Variants in FGFR3 observed in about 807,000 individuals in gnomAD.
FGFR3 encodes the protein fibroblast growth factor receptor 3, also known as FGFR-3.
FGFR3 carries 25 observed loss-of-function variants against 82.9 expected under a neutral mutation model. The observed-to-expected ratio is 0.30, with a 90% CI of 0.22 to 0.42. The LOEUF (loss-of-function observed/expected upper bound fraction) is 0.42, where lower values mean the gene tolerates loss of function less well. FGFR3 is among the 10% of genes least tolerant of loss of function. FGFR3 has a pLI of 1.00. For missense variants in FGFR3, 1,026 were observed against 1,161.0 expected (o/e 0.88, Z 1.69); for synonymous variants, 620 against 516.0 (o/e 1.20, Z -2.73).
chr4:1,794,317 C>T (rs1189680565), intron 2 of FGFR3, among the ~76,000 whole-genome samples: 1 of 152,230 alleles, frequency 6.6e-6, no homozygotes, highest in Non-Finnish European at 1.5e-5. Flanking sequence ...CTGCGACTCC[C>T]TAGCCCTGGC....
chr4:1,795,189 G>C (rs1174060425), intron 2 of FGFR3, among the ~76,000 whole-genome samples: 1 of 152,110 alleles, frequency 6.6e-6, no homozygotes, highest in East Asian at 1.9e-4. Context: ...GGGCCGTCGG[G>C]AGGTCAGCGC....
Position 1,806,640 on chromosome 4 carries a change from G to A in FGFR3, c.2125G>A (p.Glu709Lys), listed in dbSNP as rs755495007. Residue 709 changes from glutamate (E) to lysine (K), a missense_variant, in exon 16 of 18, where the codon GAG becomes AAG. Glu to Lys is a moderately conservative substitution (Grantham distance 56). Transcript: ENST00000440486. ...PVEELFKLLK[E>K]GHRMDKPANC... ...GGAGGAGCTCTTCAAGCTGCTGAAG[G>A]AGGGCCACCGCATGGACAAGCCCGC... 1 of 1,613,064 alleles carries A rather than the reference G, an allele frequency of 6.2e-7. No individual in the cohort carries two copies. The highest frequency in any genetic ancestry group is 1.7e-5 in the Admixed American group (1 of 60,008).
intron 6 of FGFR3, 24 bp from the exon 7 acceptor site, chr4:1,801,811 C>T (rs749585501): frequency 1.9e-6 from 3 of 1,601,856 alleles, no homozygotes; most frequent in Non-Finnish European, 2.6e-6. Flanking sequence ...GGGGGTGGCC[C>T]CTGAGCGTCA....
rs1440144625 is a variant in FGFR3 at position 1,793,482 on chromosome 4, G to C, written c.-103+17G>C. 6.7e-6 allele frequency: 1 copy of C among 149,436 alleles called. No homozygotes were observed. The highest frequency in any genetic ancestry group is 1.5e-5 in the Non-Finnish European group (1 of 66,770). 9.3% of individuals were successfully genotyped at this position (149,436 alleles called of 1,614,324 possible). A position where few individuals can be genotyped will look rare whatever the true frequency, so the allele number is the denominator to read the frequency against. The stretch of plus-strand genomic sequence containing the variant: ...GCTCGCCAGGTCCGTGCTTGGGGCC[G>C]GGCAGGCTCGCGGAGGGGTCCAACG... On this transcript the variant is annotated intron_variant, in intron 1 of 17. Coordinates refer to ENST00000440486, the MANE Select transcript of FGFR3 (RefSeq NM_000142.5).
Position 1,807,294 on chromosome 4 carries a change from C to T in FGFR3, c.*32C>T, listed in dbSNP as rs148257939. On this transcript the variant is annotated 3_prime_UTR_variant, in exon 18 of 18. Coordinates refer to ENST00000440486, the MANE Select transcript of FGFR3 (RefSeq NM_000142.5). ...ACTGGTCCCCAACAATGTGAGGGGTCCCTAGCAGCCCACCCTGCTGCTGGT... is the reference window on the plus strand; with the variant it reads ...ACTGGTCCCCAACAATGTGAGGGGTTCCTAGCAGCCCACCCTGCTGCTGGT... 1.3e-6 allele frequency: 2 copies of T among 1,569,490 alleles called. No individual in the cohort carries two copies. Among genetic ancestry groups the T allele is most frequent in the South Asian group, 2.3e-5 (2 of 86,276 alleles).
chr4:1,803,456 G>A (rs1174339523), intron 7 of FGFR3, among the ~76,000 whole-genome samples: 2 of 152,368 alleles, frequency 1.3e-5, no homozygotes, highest in South Asian at 4.1e-4. Context: ...CTGCCTGCCC[G>A]CCTGCCGCTC....
intron 4 of FGFR3, among the ~76,000 whole-genome samples, chr4:1,800,892 T>G (rs1453535438): frequency 6.6e-6 from 1 of 152,210 alleles, no homozygotes; most frequent in Non-Finnish European, 1.5e-5. Context: ...CTTGGAGCTC[T>G]GCAGAGGGTG....
rs760919924 is a variant in FGFR3 at position 1,805,898 on chromosome 4, C to G, written c.1794C>G (p.Ala598=). The G allele has an allele frequency of 2.5e-6, 4 of 1,612,316 alleles. No homozygotes were observed. The change falls in exon 13 of 18, where the codon GCC becomes GCG. Residue 598 remains alanine (A), a synonymous_variant. Transcript: ENST00000440486. ...QLTFKDLVSC[A]YQVARGMEYL... is the part of the protein sequence containing the mutation. The stretch of plus-strand genomic sequence containing the variant: ...CCTTCAAGGACCTGGTGTCCTGTGC[C>G]TACCAGGTGGCCCGGGGCATGGAGT...
In FGFR3 at chr4:1,806,191, G is replaced by T. The variant is rs1421738131; in HGVS notation, c.1959+18G>T. On this transcript the variant is annotated intron_variant, in intron 14 of 17. Coordinates refer to ENST00000440486, the MANE Select transcript of FGFR3 (RefSeq NM_000142.5). ...CGACCAACGTGAGCCCGGCCCTGGG[G>T]TGCGGGGGTGGGGGTCATGCCAGTA... 1.2e-6 allele frequency: 2 copies of T among 1,612,320 alleles called. No individual in the cohort carries two copies. The highest frequency in any genetic ancestry group is 1.7e-6 in the Non-Finnish European group (2 of 1,179,464).
chr4:1,802,960 C>T (rs751042118), intron 7 of FGFR3: 4 of 1,603,172 alleles, frequency 2.5e-6, no homozygotes, highest in Middle Eastern at 1.7e-4. Flanking sequence ...CTCCGCCTGG[C>T]CAATGTGTCG....
Position 1,807,726 on chromosome 4 carries a change from T to C in FGFR3, c.*464T>C. 1.6e-6 allele frequency: 1 copy of C among 606,966 alleles called. No homozygotes were observed. The highest frequency in any genetic ancestry group is 3.2e-6 in the Non-Finnish European group (1 of 314,744). The allele number at this position is 606,966 out of a possible 1,614,324, so 37.6% of individuals were successfully genotyped here. On this transcript the variant is annotated 3_prime_UTR_variant, in exon 18 of 18. Coordinates refer to ENST00000440486, the MANE Select transcript of FGFR3 (RefSeq NM_000142.5). ...CCCCACATGTCCAGCACCTTGTGCC[T>C]GGGGTGTTAGTGGCACCGCCTCCCC...
intron 2 of FGFR3, among the ~76,000 whole-genome samples, chr4:1,794,774 G>C (rs551367475): frequency 6.6e-6 from 1 of 151,952 alleles, no homozygotes; most frequent in Non-Finnish European, 1.5e-5. Flanking sequence ...CTCGTGGGCC[G>C]GGCCGAGAGC....
chr4:1,804,673 G>A (rs895722001), intron 9 of FGFR3, 151 bp from the exon 10 acceptor site: 24 of 1,406,292 alleles, frequency 1.7e-5, no homozygotes, highest in Middle Eastern at 4.5e-4. Flanking sequence ...TAGAGCCTAG[G>A]GTACTTTGGG....
rs1291921927 is a variant in FGFR3, at chr4:1,805,566, C to T, written c.1542C>T (p.Ala514=). ...TVAVKMLKDD[A]TDKDLSDLVS... is the part of the protein sequence containing the mutation. ...CCCCCGCTCCGTGCACAGACGATGC[C>T]ACTGACAAGGACCTGTCGGACCTGG... is the stretch of plus-strand genomic sequence containing the variant. Residue 514 remains alanine, a synonymous_variant, in exon 12 of 18, where the codon GCC becomes GCT. Coordinates refer to ENST00000440486, the MANE Select transcript of FGFR3 (RefSeq NM_000142.5). The T allele has an allele frequency of 1.7e-5, 28 of 1,613,044 alleles. No homozygotes were observed. Among genetic ancestry groups the T allele is most frequent in the Non-Finnish European group, 2.3e-5 (27 of 1,179,832 alleles).
chr4:1,803,963 C>T (rs948469555), intron 8 of FGFR3, 127 bp downstream of exon 8: 3 of 1,132,946 alleles, frequency 2.6e-6, no homozygotes, highest in Non-Finnish European at 2.6e-6. Context: ...AGCCCTCACT[C>T]CTGGCCCTGT....
Position 1,807,408 on chromosome 4 carries a change from TG to T in FGFR3, c.*147del. 2.6e-6 allele frequency: 3 copies of T among 1,160,518 alleles called. No individual in the cohort carries two copies. Among genetic ancestry groups the T allele is most frequent in the Non-Finnish European group, 1.2e-6 (1 of 805,946 alleles). 71.9% of individuals were successfully genotyped at this position (1,160,518 alleles called of 1,614,324 possible). ...CTGTGTGTGTGTGTGTGCGTGTGTG[TG>T]TGTGTGTGTGCACATCCGCGTGTGC... On this transcript the variant is annotated 3_prime_UTR_variant, in exon 18 of 18. Transcript: ENST00000440486.
Position 1,805,380 on chromosome 4 carries a change from G to T in FGFR3, c.1438G>T (p.Glu480Ter). ...GCTGACCCTGGGCAAGCCCCTTGGG[G>T]AGGGCTGCTTCGGCCAGGTGGTCAT... Reference protein sequence around the residue: ...ARLTLGKPLGEGCFGQVVMAE... With the variant: ...ARLTLGKPLG The change falls in exon 11 of 18, where the codon GAG becomes TAG. Residue 480 changes from glutamate (E) to a stop codon, truncating the protein, a stop_gained. Coordinates refer to ENST00000440486, the MANE Select transcript of FGFR3 (RefSeq NM_000142.5). LOFTEE classifies it high-confidence loss of function. 6.2e-7 allele frequency: 1 copy of T among 1,612,380 alleles called. No individual in the cohort carries two copies.
intron 7 of FGFR3, chr4:1,803,025 G>A (rs575229727): frequency 1.9e-6 from 3 of 1,601,468 alleles, no homozygotes; most frequent in African/African-American, 2.7e-5. Context: ...AGGCGTGGCC[G>A]AGAAGGCCTT....
At chr4:1,793,805 C>CTT (rs1720128486) in intron 1 of FGFR3, 28 bp from the exon 2 acceptor site, 2 of 173,386 alleles carry the variant, frequency 1.2e-5, no homozygotes, top group African/African-American at 4.8e-5. Context: ...GTCCGCCCCT[C>CTT]TAACGAGCTG....
Sources: gnomAD v4.1 joint callset for allele counts (sites outside exome capture counted in the v4.1 genomes callset) on GRCh38, gnomAD v4.1.1 for gene constraint, MANE v1.5 for transcripts, NCBI Gene and HGNC (gene_info 2026-07-23, HGNC 2026-07-21) for gene names.